The following CEMIP variants were observed in gnomAD, a reference collection of about 807,000 sequenced individuals.
The protein encoded by CEMIP is cell migration-inducing and hyaluronan-binding protein.
CEMIP carries 105 observed loss-of-function variants against 156.9 expected under a neutral mutation model. The observed-to-expected ratio is 0.67, with a 90% CI of 0.57 to 0.79. The LOEUF (loss-of-function observed/expected upper bound fraction) is 0.79, where lower values mean the gene tolerates loss of function less well. Ranked by LOEUF, CEMIP falls within the 30% of genes least tolerant of loss-of-function variation. CEMIP has a pLI of 0.00. For synonymous variants in CEMIP, 676 were observed against 668.4 expected, an observed-to-expected ratio of 1.01 and a Z score of -0.17; for missense variants, 1,457 against 1,769.4, an observed-to-expected ratio of 0.82 and a Z score of 3.17.
At chr15:80,788,808 C>T (rs1195091625) in intron 1 of CEMIP, among the ~76,000 whole-genome samples, 1 of 152,058 alleles carries the variant, frequency 6.6e-6, no homozygotes, top group Non-Finnish European at 1.5e-5. Context: ...TCTTCCGCTC[C>T]AACTGGTGCT....
At chr15:80,834,779 C>A (rs945652696) in intron 1 of CEMIP, among the ~76,000 whole-genome samples, 1 of 152,124 alleles carries the variant, frequency 6.6e-6, no homozygotes, top group African/African-American at 2.4e-5. Flanking sequence ...TCTAGAATCA[C>A]CTTGTCAGTT....
chr15:80,915,668 C>A (rs572710868), intron 14 of CEMIP, among the ~76,000 whole-genome samples: 1 of 152,246 alleles, frequency 6.6e-6, no homozygotes, highest in Admixed American at 6.5e-5. Context: ...CCAGGCTACT[C>A]CCTCCCCAAC....
rs1361331565 is a variant in CEMIP at position 80,922,090 on chromosome 15, A to T, written c.2155A>T (p.Ile719Phe). ...GTACTCCCCAGGTTATTCAGAGCAC[A>T]TTCCACTGGGAAAATTCTATAACAA... ...GMYSPGYSEH[I>F]PLGKFYNNRA... is the part of the protein sequence containing the mutation. The change falls in exon 17 of 30, where the codon ATT (isoleucine) becomes TTT (phenylalanine). Residue 719 changes from isoleucine to phenylalanine, a missense_variant. By Grantham distance (21) the Ile-to-Phe change is conservative. This residue lies in a region of CEMIP where 798 missense variants were observed against 980.1 expected (regional missense o/e 0.81). Transcript: ENST00000394685. The T allele has an allele frequency of 6.2e-7, 1 of 1,614,264 alleles. No individual in the cohort carries two copies. Among genetic ancestry groups the T allele is most frequent in the East Asian group, 2.2e-5 (1 of 44,890 alleles).
At chr15:80,863,722 G>C (rs1596141839) in intron 1 of CEMIP, among the ~76,000 whole-genome samples, 1 of 152,190 alleles carries the variant, frequency 6.6e-6, no homozygotes, top group East Asian at 1.9e-4. Flanking sequence ...ATGGGGCAAG[G>C]CCTTTGGGGG....
intron 25 of CEMIP, 199 bp downstream of exon 25, chr15:80,938,178 A>C: frequency 1.7e-6 from 1 of 573,760 alleles, no homozygotes; most frequent in Non-Finnish European, 3.1e-6. Flanking sequence ...AGTAAAATAA[A>C]CACCCTATTA....
At chr15:80,873,721 G>T (rs2141809162) in intron 2 of CEMIP, 25 bp downstream of exon 2, 1 of 654,796 alleles carries the variant, frequency 1.5e-6, no homozygotes, top group South Asian at 1.7e-5. Context: ...CTGGAGTGTG[G>T]GCTGGCTGAG....
Position 80,924,789 on chromosome 15 carries a change from T to A in CEMIP, c.2288+83T>A, listed in dbSNP as rs1900598243. The A allele has an allele frequency of 2.6e-6, 3 of 1,170,774 alleles. No homozygotes were observed. The East Asian group carries it at 7.1e-5, about 28-fold the overall frequency. The allele number at this position is 1,170,774 out of a possible 1,614,324, so 72.5% of individuals were successfully genotyped here. Reference sequence around the variant, plus strand: ...CCCCCTCCTTCAATCACTCATTCATTCCCTGAGCATCTGTTGAGCCCTTGC... The same window carrying A: ...CCCCCTCCTTCAATCACTCATTCATACCCTGAGCATCTGTTGAGCCCTTGC... On this transcript the variant is annotated intron_variant, in intron 18 of 29. Transcript: ENST00000394685.
rs113116775 is a variant in CEMIP at position 80,929,171 on chromosome 15, G to C, written c.2609G>C (p.Gly870Ala). The C allele has an allele frequency of 6.2e-7, 1 of 1,614,200 alleles. No individual in the cohort carries two copies. Among genetic ancestry groups the C allele is most frequent in the Admixed American group, 1.7e-5 (1 of 60,028 alleles). ...LDHSGRTLPI[G>A]QNFPIRGIQL... ...CATAGCGGAAGGACCCTCCCTATAG[G>C]CCAGTAGGTTTGCAACCATGTAGCT... Residue 870 changes from glycine to alanine, a missense_variant, in exon 21 of 30, where the codon GGC becomes GCC. Gly to Ala is a moderately conservative substitution (Grantham distance 60, BLOSUM62 0). Transcript: ENST00000394685.
chr15:80,881,081 G>A lies in CEMIP; in HGVS notation c.562G>A (p.Gly188Arg). ...YFFERSWGHR[G>R]VIVHVIDPKS... ...TTTTGAAAGGAGCTGGGGCCACCGT[G>A]GAGTTATTGTTCATGTCATCGACCC... is the stretch of plus-strand genomic sequence containing the variant. The change falls in exon 6 of 30, where the codon GGA (glycine) becomes AGA (arginine). Residue 188 changes from glycine (G) to arginine (R), a missense_variant. Around this residue, in one of 5 missense-constraint regions of CEMIP, gnomAD observed 309 missense variants for 340.8 expected, o/e 0.91. Coordinates refer to ENST00000394685, the MANE Select transcript of CEMIP (RefSeq NM_001293298.2). The A allele has an allele frequency of 1.2e-6, 2 of 1,614,226 alleles. No homozygotes were observed. The highest frequency in any genetic ancestry group is 1.7e-6 in the Non-Finnish European group (2 of 1,180,040).
intron 3 of CEMIP, among the ~76,000 whole-genome samples, chr15:80,876,518 A>C (rs1898484922): frequency 6.6e-6 from 1 of 152,226 alleles, no homozygotes. Flanking sequence ...AAAAAATGTG[A>C]AATTCTTTTC....
Position 80,947,016 on chromosome 15 carries a change from G to A in CEMIP, c.3909G>A (p.Trp1303Ter). 3 of 1,614,178 alleles carry A rather than the reference G, an allele frequency of 1.9e-6. No individual in the cohort carries two copies. The highest frequency in any genetic ancestry group is 2.5e-6 in the Non-Finnish European group (3 of 1,179,996). ...GAAGATACGTCTCCAGAGGCCCATG[G>A]ACCAGAGTGCTGGAAAAGCTTGGGG... ...SKGRYVSRGP[W>*]TRVLEKLGAD... Residue 1303 changes from tryptophan (W) to a stop codon, truncating the protein, a stop_gained, in exon 29 of 30, where the codon TGG (tryptophan) becomes TGA (stop). Transcript: ENST00000394685. LOFTEE classifies it high-confidence loss of function.
Position 80,909,076 on chromosome 15 carries a change from C to G in CEMIP, c.1588-21C>G, listed in dbSNP as rs532655661. On this transcript the variant is annotated intron_variant, in intron 13 of 29. Coordinates refer to ENST00000394685, the MANE Select transcript of CEMIP (RefSeq NM_001293298.2). ...CAAAGCATCTCATGGGCTCCTCTGA[C>G]TCTCGGTTCTCCTCTCCTAGTTTGC... The G allele has an allele frequency of 8.1e-6, 13 of 1,611,868 alleles. No homozygotes were observed. The South Asian group carries it at 1.3e-4, about 16-fold the overall frequency.
chr15:80,917,076 C>T (rs1443345404), intron 14 of CEMIP, among the ~76,000 whole-genome samples: 1 of 152,164 alleles, frequency 6.6e-6, no homozygotes, highest in African/African-American at 2.4e-5. Flanking sequence ...TTAAATAAGA[C>T]AACATGTAAA....
At chr15:80,898,924 G>C (rs530691472) in intron 12 of CEMIP, among the ~76,000 whole-genome samples, 60 of 152,308 alleles carry the variant, frequency 3.9e-4, no homozygotes, top group African/African-American at 1.4e-3. Context: ...CCATTAGAAA[G>C]CACATACAGG....
intron 1 of CEMIP, among the ~76,000 whole-genome samples, chr15:80,832,330 G>GTGTGTGTGTGTGTGTGTT (rs1897174645): frequency 2.1e-5 from 3 of 146,120 alleles, no homozygotes; most frequent in African/African-American, 5.4e-5. Context: ...CTCTGTGTGT[G>GTGTGTGTGTGTGTGTGTT]TGTGTGTGTG....
chr15:80,779,439 G>T lies in CEMIP; in HGVS notation c.-351G>T, dbSNP rs1313879688. 1.3e-5 allele frequency: 2 copies of T among 152,324 alleles called. No individual in the cohort carries two copies. The allele number at this position is 152,324 out of a possible 1,614,324, so 9.4% of individuals were successfully genotyped here. The stretch of plus-strand genomic sequence containing the variant: ...AGCCTGGCGAGCGCAAGCGGCGCGG[G>T]GAGCCAGCGGGGCTGAGCGCGGCCA... On this transcript the variant is annotated 5_prime_UTR_variant, in exon 1 of 30. Transcript: ENST00000394685.
chr15:80,797,169 A>C (rs1896251520), intron 1 of CEMIP, among the ~76,000 whole-genome samples: 1 of 152,228 alleles, frequency 6.6e-6, no homozygotes, highest in Non-Finnish European at 1.5e-5. Flanking sequence ...GGAATTGTGC[A>C]CAGCAACCTG....
intron 11 of CEMIP, among the ~76,000 whole-genome samples, chr15:80,895,601 G>A (rs1033441795): frequency 2.0e-5 from 3 of 152,144 alleles, no homozygotes; most frequent in African/African-American, 7.2e-5. Context: ...AGCAAAGTGG[G>A]TGGGGTGAGG....
At chr15:80,933,077 G>A (rs1035100737) in intron 22 of CEMIP, among the ~76,000 whole-genome samples, 168 bp from the exon 23 acceptor site, 1 of 152,168 alleles carries the variant, frequency 6.6e-6, no homozygotes, top group East Asian at 1.9e-4. Flanking sequence ...CTGTGACTCC[G>A]GTTGCATCGG....
Sources: gnomAD v4.1 joint callset for allele counts (sites outside exome capture counted in the v4.1 genomes callset) on GRCh38, gnomAD v4.1.1 for gene constraint, gnomAD v4.1.1 regional missense constraint, MANE v1.5 for transcripts, NCBI Gene and HGNC (gene_info 2026-07-23, HGNC 2026-07-21) for gene names.